PCP4L1: variants seen among roughly 807,000 people sequenced by gnomAD.
The protein encoded by PCP4L1 is Purkinje cell protein 4-like protein 1.
Under a neutral mutation model 9.6 loss-of-function variants are expected in PCP4L1, and 9 were observed. That is an observed-to-expected ratio of 0.94 (90% CI 0.57 to 1.64). The LOEUF is 1.64. Ranked by LOEUF, PCP4L1 falls within the 40% of genes most tolerant of loss-of-function variation. The pLI is 0.00. For missense variants in PCP4L1, 81 were observed against 80.8 expected (o/e 1.00, Z -0.01); for synonymous variants, 31 against 28.2 (o/e 1.10, Z -0.31).
intron 2 of PCP4L1, 82 bp downstream of exon 2, chr1:161,283,804 T>A: frequency 3.6e-6 from 5 of 1,383,874 alleles, no homozygotes; most frequent in Middle Eastern, 1.8e-4. Flanking sequence ...TGGAATTTCC[T>A]AAAGTCAGAC....
chr1:161,275,029 T>C (rs1669676433), intron 1 of PCP4L1, among the ~76,000 whole-genome samples: 1 of 152,054 alleles, frequency 6.6e-6, no homozygotes, highest in Non-Finnish European at 1.5e-5. Flanking sequence ...GGGGACCAGA[T>C]GGCAGCTGAG....
chr1:161,260,944 T>C (rs1204981512), intron 1 of PCP4L1, among the ~76,000 whole-genome samples: 1 of 152,188 alleles, frequency 6.6e-6, no homozygotes, highest in Non-Finnish European at 1.5e-5. Flanking sequence ...CAGAAGCAGC[T>C]GTCTCTGAAT....
At position 161,260,558 on chromosome 1, in the gene PCP4L1, G is replaced by A. The variant is rs767114589; in HGVS notation, c.9+1575G>A. On this transcript the variant is annotated intron_variant, in intron 1 of 2. Transcript: ENST00000504449. Reference sequence around the variant, plus strand: ...TTTGTGATCTGAAGGCTATGCCAACGTGAGGATTTGCAGTTAGCCTGTGTT... The same window carrying A: ...TTTGTGATCTGAAGGCTATGCCAACATGAGGATTTGCAGTTAGCCTGTGTT... Among the ~76,000 whole-genome samples the A allele has an allele frequency of 2.6e-5, 4 of 152,312 alleles. No individual in the cohort carries two copies. In the East Asian group the frequency reaches 7.7e-4, roughly 29 times the overall value.
chr1:161,261,518 T>C (rs1472143516), intron 1 of PCP4L1, among the ~76,000 whole-genome samples: 1 of 152,252 alleles, frequency 6.6e-6, no homozygotes, highest in Non-Finnish European at 1.5e-5. Flanking sequence ...CTCTATCTCC[T>C]GTGGTTTAAT....
At chr1:161,273,433 C>T in intron 1 of PCP4L1, among the ~76,000 whole-genome samples, 1 of 151,968 alleles carries the variant, frequency 6.6e-6, no homozygotes, top group African/African-American at 2.4e-5. Context: ...TCAAAACAAA[C>T]AAACAAACAA....
intron 1 of PCP4L1, among the ~76,000 whole-genome samples, chr1:161,259,682 G>A (rs1669385507): frequency 6.6e-6 from 1 of 152,216 alleles, no homozygotes; most frequent in Admixed American, 6.5e-5. Flanking sequence ...ATGGGGTGGG[G>A]GAGTGGGGGG....
At chr1:161,271,274 G>A (rs1669621276) in intron 1 of PCP4L1, among the ~76,000 whole-genome samples, 2 of 151,928 alleles carry the variant, frequency 1.3e-5, no homozygotes, top group Non-Finnish European at 2.9e-5. Context: ...ATCTCATTGT[G>A]GTTTTAATTT....
Position 161,284,557 on chromosome 1 carries a change from T to C in PCP4L1, c.*76T>C. On this transcript the variant is annotated 3_prime_UTR_variant, in exon 3 of 3. Transcript: ENST00000504449. Reference sequence around the variant, plus strand: ...CCTTCTCCACACCCATGTATCTTTATCCCTTGTCCCTCTAGCCTTTCCTTG... The same window carrying C: ...CCTTCTCCACACCCATGTATCTTTACCCCTTGTCCCTCTAGCCTTTCCTTG... 6.5e-7 allele frequency: 1 copy of C among 1,544,770 alleles called. No homozygotes were observed. The highest frequency in any genetic ancestry group is 8.8e-7 in the Non-Finnish European group (1 of 1,142,062).
chr1:161,263,956 C>T (rs921418523), intron 1 of PCP4L1, among the ~76,000 whole-genome samples: 16 of 125,278 alleles, frequency 1.3e-4, no homozygotes, highest in Non-Finnish European at 2.2e-4. Flanking sequence ...GTCGCCCAAG[C>T]TGGAGTGCAG....
intron 1 of PCP4L1, among the ~76,000 whole-genome samples, chr1:161,259,345 T>A (rs1669380953): frequency 1.3e-5 from 2 of 152,098 alleles, no homozygotes; most frequent in South Asian, 4.1e-4. Context: ...CTCACTTCGC[T>A]TCTGTCCTCT....
In PCP4L1 at chr1:161,258,816, G is replaced by A. The variant is rs2102228034; in HGVS notation, c.-159G>A. The A allele has an allele frequency of 3.5e-6, 4 of 1,158,336 alleles. No homozygotes were observed. Among genetic ancestry groups the A allele is most frequent in the Middle Eastern group, 2.0e-4 (1 of 5,124 alleles). The allele number at this position is 1,158,336 out of a possible 1,614,324, so 71.8% of individuals were successfully genotyped here. A position where few individuals can be genotyped will look rare whatever the true frequency, so the allele number is the denominator to read the frequency against. ...TGGGCTCCGAGAATCCCGGGTGCCAGCACCAGAGCAGCGGCTCTCCGCACT... is the reference window on the plus strand; with the variant it reads ...TGGGCTCCGAGAATCCCGGGTGCCAACACCAGAGCAGCGGCTCTCCGCACT... On this transcript the variant is annotated 5_prime_UTR_variant, in exon 1 of 3. Coordinates refer to ENST00000504449, the MANE Select transcript of PCP4L1 (RefSeq NM_001102566.2).
intron 1 of PCP4L1, among the ~76,000 whole-genome samples, chr1:161,270,290 C>G (rs1669601231): frequency 6.6e-6 from 1 of 151,948 alleles, no homozygotes; most frequent in Non-Finnish European, 1.5e-5. Context: ...GAGAGAGACT[C>G]TGTCTCAAAA....
In PCP4L1 at chr1:161,279,411, T is replaced by C. The variant is rs995968424; in HGVS notation, c.10-4257T>C. ...CACTGACATATTTGTTGAATGAATC[T>C]TTTGCTTCTTTTATACCTCTTGAGT... On this transcript the variant is annotated intron_variant, in intron 1 of 2. Coordinates refer to ENST00000504449, the MANE Select transcript of PCP4L1 (RefSeq NM_001102566.2). Among the ~76,000 whole-genome samples the C allele has an allele frequency of 2.0e-4, 30 of 152,352 alleles. 1 individual carries two copies. Among genetic ancestry groups the C allele is most frequent in the African/African-American group, 6.7e-4 (28 of 41,586 alleles).
intron 1 of PCP4L1, among the ~76,000 whole-genome samples, chr1:161,265,244 G>C (rs1424344292): frequency 6.6e-6 from 1 of 152,088 alleles, no homozygotes; most frequent in African/African-American, 2.4e-5. Flanking sequence ...GGAAGAGAAT[G>C]GTAAGGCCAG....
At chr1:161,270,426 TG>T (rs796429516) in intron 1 of PCP4L1, among the ~76,000 whole-genome samples, 16 of 152,174 alleles carry the variant, frequency 1.1e-4, no homozygotes, top group African/African-American at 3.9e-4. Flanking sequence ...TCTGAATGTT[TG>T]TGTACCCCCA....
intron 1 of PCP4L1, 142 bp from the exon 2 acceptor site, chr1:161,283,524 TGA>T: frequency 1.4e-6 from 1 of 700,612 alleles, no homozygotes; most frequent in Non-Finnish European, 2.3e-6. Context: ...CTCTGGTCTC[TGA>T]TCTCAAGACT....
At chr1:161,265,612 A>G (rs1477517767) in intron 1 of PCP4L1, among the ~76,000 whole-genome samples, 1 of 152,194 alleles carries the variant, frequency 6.6e-6, no homozygotes, top group Non-Finnish European at 1.5e-5. Context: ...CTGGGATTCA[A>G]GCATCCTGAG....
intron 1 of PCP4L1, among the ~76,000 whole-genome samples, chr1:161,268,828 C>G (rs992730245): frequency 1.3e-5 from 2 of 152,160 alleles, no homozygotes; most frequent in Non-Finnish European, 2.9e-5. Flanking sequence ...GGATTACAGG[C>G]GTGAGCCACC....
At chr1:161,270,805 G>A (rs1298526595) in intron 1 of PCP4L1, among the ~76,000 whole-genome samples, 1 of 151,588 alleles carries the variant, frequency 6.6e-6, no homozygotes, top group African/African-American at 2.4e-5. Flanking sequence ...AACCCAGGAG[G>A]TGGAGGTCGC....
Sources: allele counts gnomAD v4.1 joint callset (sites outside exome capture counted in the v4.1 genomes callset), GRCh38; gene constraint gnomAD v4.1.1; transcripts MANE v1.5; gene names NCBI Gene and HGNC (gene_info 2026-07-23, HGNC 2026-07-21).